The following CCDC38 variants were observed in gnomAD, a reference collection of about 807,000 sequenced individuals.
CCDC38 encodes the protein coiled-coil domain-containing protein 38.
A neutral mutation model predicts 72.8 loss-of-function variants in CCDC38; 69 were observed. That is an observed-to-expected ratio of 0.95 (90% CI 0.78 to 1.16). The LOEUF is 1.16. Among genes scored for constraint, CCDC38 ranks in the 50% most tolerant of loss-of-function variants. CCDC38 has a pLI of 0.00. For missense variants in CCDC38, 626 were observed against 638.9 expected (o/e 0.98, Z 0.22); for synonymous variants, 201 against 213.2 (o/e 0.94, Z 0.50).
At chr12:95,908,087 G>A (rs999568243) in intron 4 of CCDC38, among the ~76,000 whole-genome samples, 1 of 152,102 alleles carries the variant, frequency 6.6e-6, no homozygotes, top group Non-Finnish European at 1.5e-5. Context: ...TGCAATCTCG[G>A]CACTTTGGGA....
At chr12:95,904,147 A>G (rs1242816828) in intron 5 of CCDC38, among the ~76,000 whole-genome samples, 2 of 152,174 alleles carry the variant, frequency 1.3e-5, no homozygotes, top group African/African-American at 4.8e-5. Flanking sequence ...AAGTTGTCAA[A>G]TTTATTGGCA....
intron 11 of CCDC38, chr12:95,880,032 A>G: frequency 3.5e-6 from 1 of 286,860 alleles, no homozygotes; most frequent in Non-Finnish European, 6.5e-6. Flanking sequence ...GGAAGAAAAA[A>G]GGAAGAAGAG....
chr12:95,906,702 C>T (rs1030763374), intron 4 of CCDC38, among the ~76,000 whole-genome samples: 2 of 151,834 alleles, frequency 1.3e-5, no homozygotes, highest in African/African-American at 4.8e-5. Context: ...TAACAACAAC[C>T]TGAATAAGGT....
chr12:95,895,247 ATAATT>A (rs1400963565), intron 7 of CCDC38, 101 bp from the exon 8 acceptor site: 1 of 697,624 alleles, frequency 1.4e-6, no homozygotes, highest in Non-Finnish European at 2.2e-6. Context: ...TACTGAATTA[ATAATT>A]TAATTATCAA....
intron 2 of CCDC38, among the ~76,000 whole-genome samples, chr12:95,930,796 G>T (rs971596386): frequency 6.6e-6 from 1 of 152,060 alleles, no homozygotes; most frequent in African/African-American, 2.4e-5. Flanking sequence ...CAAACTGGAC[G>T]CTAGGCTCAA....
At chr12:95,884,056 T>C (rs559859959) in intron 10 of CCDC38, among the ~76,000 whole-genome samples, 1 of 152,328 alleles carries the variant, frequency 6.6e-6, no homozygotes, top group Non-Finnish European at 1.5e-5. Flanking sequence ...CTCCCTCTAC[T>C]CTTATTCAAC....
At chr12:95,922,003 C>T (rs1312400501) in intron 2 of CCDC38, among the ~76,000 whole-genome samples, 3 of 152,178 alleles carry the variant, frequency 2.0e-5, no homozygotes, top group African/African-American at 7.2e-5. Flanking sequence ...CTGTAATGTA[C>T]ATCCAGGACT....
rs2079920355 is a variant in CCDC38 at position 95,898,748 on chromosome 12, C to G, written c.370-17G>C. 1 of 1,607,286 alleles carries G rather than the reference C, an allele frequency of 6.2e-7. No individual in the cohort carries two copies. The highest frequency in any genetic ancestry group is 8.5e-7 in the Non-Finnish European group (1 of 1,178,138). ...CAAAGCATACTAGGGGCATTGAAGA[C>G]AGAGGTGTAAAAACATGATTCCACA... is the stretch of plus-strand genomic sequence containing the variant. On this transcript the variant is annotated splice_polypyrimidine_tract_variant and intron_variant, in intron 5 of 15. Coordinates refer to ENST00000344280, the MANE Select transcript of CCDC38 (RefSeq NM_182496.3).
intron 2 of CCDC38, 50 bp downstream of exon 2, chr12:95,936,423 C>T: frequency 6.4e-7 from 1 of 1,557,284 alleles, no homozygotes; most frequent in Non-Finnish European, 8.8e-7. Context: ...TGTTATGGAG[C>T]CTAACACTGC....
chr12:95,930,810 C>G (rs2080329425), intron 2 of CCDC38, among the ~76,000 whole-genome samples: 2 of 152,170 alleles, frequency 1.3e-5, no homozygotes, highest in South Asian at 4.1e-4. Context: ...GGCTCAACCT[C>G]TCTCCAATAC....
intron 5 of CCDC38, 120 bp from the exon 6 acceptor site, chr12:95,898,851 G>A: frequency 1.0e-6 from 1 of 976,494 alleles, no homozygotes; most frequent in South Asian, 1.7e-5. Flanking sequence ...AAATCTTGGA[G>A]CAATGGACTT....
chr12:95,931,342 A>C (rs2080336663), intron 2 of CCDC38, among the ~76,000 whole-genome samples: 1 of 152,214 alleles, frequency 6.6e-6, no homozygotes, highest in Non-Finnish European at 1.5e-5. Flanking sequence ...TATTAGGCCC[A>C]TTGGCTAATC....
intron 2 of CCDC38, among the ~76,000 whole-genome samples, chr12:95,926,665 T>C (rs1015787342): frequency 6.6e-6 from 1 of 151,828 alleles, no homozygotes; most frequent in Non-Finnish European, 1.5e-5. Context: ...TCCTGCTTTC[T>C]CTTGTGGGCA....
At chr12:95,899,068 G>T (rs572533889) in intron 5 of CCDC38, among the ~76,000 whole-genome samples, 1 of 152,144 alleles carries the variant, frequency 6.6e-6, no homozygotes, top group Non-Finnish European at 1.5e-5. Flanking sequence ...GGGAAACTGG[G>T]TTGTCTGCAG....
chr12:95,917,962 C>T (rs1246980118), intron 3 of CCDC38, among the ~76,000 whole-genome samples: 5 of 151,792 alleles, frequency 3.3e-5, no homozygotes, highest in East Asian at 1.9e-4. Context: ...AAAAATTAGG[C>T]TTGTGATTTC....
chr12:95,873,657 G>A (rs1235186997), intron 13 of CCDC38, among the ~76,000 whole-genome samples: 1 of 152,164 alleles, frequency 6.6e-6, no homozygotes, highest in African/African-American at 2.4e-5. Context: ...CACTCTTCAG[G>A]TAGCATTCTG....
intron 8 of CCDC38, among the ~76,000 whole-genome samples, chr12:95,892,816 A>G (rs12367319): frequency 0.32 from 48,626 of 151,490 alleles, 9,278 homozygotes; most frequent in African/African-American, 0.52. Flanking sequence ...TGATCCACCC[A>G]CCTTGGCCTC....
At position 95,884,125 on chromosome 12, in the gene CCDC38, A is replaced by G. The variant is rs527865954; in HGVS notation, c.921-2571T>C. On this transcript the variant is annotated intron_variant, in intron 10 of 15. Transcript: ENST00000344280. ...AAAAGAGATAAAAGGCATAAAGATCAGAAAGGAAGAAATAAAGCTGTCGCT... is the reference window on the plus strand; with the variant it reads ...AAAAGAGATAAAAGGCATAAAGATCGGAAAGGAAGAAATAAAGCTGTCGCT... Among the ~76,000 whole-genome samples, 8 of 152,372 alleles carry G rather than the reference A, an allele frequency of 5.3e-5. No homozygotes were observed. The South Asian group carries it at 1.7e-3, about 32-fold the overall frequency.
At chr12:95,939,095 A>G (rs893075107) in intron 1 of CCDC38, among the ~76,000 whole-genome samples, 1 of 152,252 alleles carries the variant, frequency 6.6e-6, no homozygotes, top group African/African-American at 2.4e-5. Context: ...TGATGCAAAT[A>G]GTATCTACCT....
Sources: allele counts gnomAD v4.1 joint callset (sites outside exome capture counted in the v4.1 genomes callset), GRCh38; gene constraint gnomAD v4.1.1; transcripts MANE v1.5; gene names NCBI Gene and HGNC (gene_info 2026-07-23, HGNC 2026-07-21).